Variants in VWC2L observed in about 807,000 individuals in gnomAD.
VWC2L encodes the protein von Willebrand factor C domain containing 2 like, also known as von Willebrand factor C domain-containing protein 2-like.
In VWC2L, 10 loss-of-function variants were observed where a neutral mutation model predicts 21.6. The ratio of observed to expected loss-of-function variants is 0.46; its 90% CI spans 0.29 to 0.78. The LOEUF (loss-of-function observed/expected upper bound fraction) is 0.78, where lower values mean the gene tolerates loss of function less well. Among genes scored for constraint, VWC2L ranks in the 30% least tolerant of loss-of-function variants. The probability of loss-of-function intolerance (pLI) is 0.10; values close to 1 mark genes in which losing one functional copy is unlikely to be tolerated. For synonymous variants in VWC2L, 96 were observed against 94.3 expected, an observed-to-expected ratio of 1.02 and a Z score of -0.10; for missense variants, 209 against 277.1, an observed-to-expected ratio of 0.75 and a Z score of 1.74.
chr2:214,468,237 G>A (rs946265161), intron 3 of VWC2L, among the ~76,000 whole-genome samples: 9 of 152,048 alleles, frequency 5.9e-5, no homozygotes, highest in Admixed American at 1.3e-4. Flanking sequence ...AGCTGGTCTC[G>A]AACTCCTGGC....
At chr2:214,547,170 GAAATTTTAGGAAAA>G (rs2105923467) in intron 3 of VWC2L, among the ~76,000 whole-genome samples, 1 of 92,172 alleles carries the variant, frequency 1.1e-5, no homozygotes, top group African/African-American at 4.6e-5. Context: ...GAAGATTGAG[GAAATTTTAGGAAAA>G]CAAATAGAAT....
intron 3 of VWC2L, among the ~76,000 whole-genome samples, chr2:214,463,966 AT>A (rs1703180257): frequency 6.6e-6 from 1 of 151,948 alleles, no homozygotes; most frequent in South Asian, 2.1e-4. Flanking sequence ...TGTCAGTTGA[AT>A]TTTTCAGCTT....
At chr2:214,502,344 G>A (rs988929683) in intron 3 of VWC2L, among the ~76,000 whole-genome samples, 1 of 152,184 alleles carries the variant, frequency 6.6e-6, no homozygotes, top group Admixed American at 6.5e-5. Flanking sequence ...GGCTGAGGCA[G>A]GCGGATCATG....
At chr2:214,550,282 A>AT (rs1689773140) in intron 3 of VWC2L, among the ~76,000 whole-genome samples, 2 of 152,224 alleles carry the variant, frequency 1.3e-5, no homozygotes, top group Non-Finnish European at 2.9e-5. Flanking sequence ...AGACTCGGCC[A>AT]TAGGAGTGGT....
intron 3 of VWC2L, among the ~76,000 whole-genome samples, chr2:214,503,861 A>G (rs1056074349): frequency 6.6e-6 from 1 of 152,252 alleles, no homozygotes; most frequent in African/African-American, 2.4e-5. Flanking sequence ...TCCTCACCAC[A>G]TCATACAGCT....
intron 2 of VWC2L, among the ~76,000 whole-genome samples, chr2:214,426,857 C>T (rs1415760352): frequency 1.3e-5 from 2 of 152,090 alleles, no homozygotes; most frequent in African/African-American, 4.8e-5. Flanking sequence ...GTTTAGTCAC[C>T]TCTTTTTCAC....
At chr2:214,570,009 C>CACA (rs1043050473) in intron 3 of VWC2L, among the ~76,000 whole-genome samples, 1 of 151,998 alleles carries the variant, frequency 6.6e-6, no homozygotes, top group Non-Finnish European at 1.5e-5. Context: ...CTCTTAATAC[C>CACA]ACAAATATGA....
intron 3 of VWC2L, among the ~76,000 whole-genome samples, chr2:214,521,447 C>T (rs1394530752): frequency 6.6e-6 from 1 of 152,106 alleles, no homozygotes; most frequent in African/African-American, 2.4e-5. Flanking sequence ...TTCTGCATTT[C>T]CTGCTTTTTC....
chr2:214,552,266 C>T (rs1689806304), intron 3 of VWC2L, among the ~76,000 whole-genome samples: 1 of 152,174 alleles, frequency 6.6e-6, no homozygotes, highest in South Asian at 2.1e-4. Context: ...AAAAATAGGC[C>T]TTAGAAGTTG....
intron 3 of VWC2L, among the ~76,000 whole-genome samples, chr2:214,555,932 G>T (rs1689865962): frequency 6.6e-6 from 1 of 152,044 alleles, no homozygotes; most frequent in Non-Finnish European, 1.5e-5. Flanking sequence ...TTATGTTTAT[G>T]ATGAAAGGCA....
chr2:214,444,125 C>A (rs1016416024), intron 3 of VWC2L, among the ~76,000 whole-genome samples: 1 of 152,012 alleles, frequency 6.6e-6, no homozygotes, highest in African/African-American at 2.4e-5. Context: ...GAAAGTTTAA[C>A]AGTCCTAACT....
intron 3 of VWC2L, among the ~76,000 whole-genome samples, chr2:214,547,202 G>A (rs775194494): frequency 2.2e-5 from 2 of 89,738 alleles, no homozygotes; most frequent in Non-Finnish European, 4.8e-5. Flanking sequence ...AATACTTGGG[G>A]TTAGTTTACT....
At chr2:214,461,039 T>C (rs192504334) in intron 3 of VWC2L, among the ~76,000 whole-genome samples, 23 of 152,324 alleles carry the variant, frequency 1.5e-4, no homozygotes, top group Admixed American at 4.6e-4. Flanking sequence ...TTAAGTGGTA[T>C]GTATAATTTC....
At position 214,578,420 on chromosome 2, in the gene VWC2L, G is replaced by C. The variant is rs1028469390; in HGVS notation, c.*2600G>C. The C allele has an allele frequency of 1.3e-5, 2 of 152,186 alleles. No homozygotes were observed. Among genetic ancestry groups the C allele is most frequent in the African/African-American group, 2.4e-5 (1 of 41,458 alleles). The allele number at this position is 152,186 out of a possible 1,614,324, so 9.4% of individuals were successfully genotyped here. A position where few individuals can be genotyped will look rare whatever the true frequency, so the allele number is the denominator to read the frequency against. ...TTCTGTGGCCTCTGATAACCAGCTA[G>C]AGAGAGGGATTTTTATGGTTGGTTT... is the stretch of plus-strand genomic sequence containing the variant. On this transcript the variant is annotated 3_prime_UTR_variant, in exon 4 of 4. Coordinates refer to ENST00000312504, the MANE Select transcript of VWC2L (RefSeq NM_001080500.4).
chr2:214,440,394 T>G (rs1182650796), intron 3 of VWC2L, among the ~76,000 whole-genome samples: 2 of 152,048 alleles, frequency 1.3e-5, no homozygotes, highest in African/African-American at 2.4e-5. Flanking sequence ...ATATGACATT[T>G]TCAGACTGTT....
At position 214,516,312 on chromosome 2, in the gene VWC2L, C is replaced by T. The variant is rs1028710158; in HGVS notation, c.521-59360C>T. 3.3e-5 allele frequency among the ~76,000 whole-genome samples: 5 copies of T among 152,242 alleles called. No homozygotes were observed. In the East Asian group the frequency reaches 9.7e-4, roughly 30 times the overall value. On this transcript the variant is annotated intron_variant, in intron 3 of 3. Coordinates refer to ENST00000312504, the MANE Select transcript of VWC2L (RefSeq NM_001080500.4). Reference sequence around the variant, plus strand: ...AACGCTGCTCTCACCCAACAGCCCTCATCCCCTGCCTCCTAAGCTTCAGTG... The same window carrying T: ...AACGCTGCTCTCACCCAACAGCCCTTATCCCCTGCCTCCTAAGCTTCAGTG...
At chr2:214,467,241 G>A (rs1209748187) in intron 3 of VWC2L, among the ~76,000 whole-genome samples, 1 of 152,144 alleles carries the variant, frequency 6.6e-6, no homozygotes, top group Non-Finnish European at 1.5e-5. Flanking sequence ...CCTATACCCT[G>A]TTGGTTCGTT....
At chr2:214,539,888 T>A (rs1689600695) in intron 3 of VWC2L, among the ~76,000 whole-genome samples, 1 of 152,150 alleles carries the variant, frequency 6.6e-6, no homozygotes, top group African/African-American at 2.4e-5. Flanking sequence ...ATTTTAATCT[T>A]GAATATATTT....
At chr2:214,531,617 C>A (rs912318864) in intron 3 of VWC2L, among the ~76,000 whole-genome samples, 2 of 152,048 alleles carry the variant, frequency 1.3e-5, no homozygotes, top group Admixed American at 1.3e-4. Context: ...TAAGTGGGTT[C>A]TTTGCAGAAG....
Sources: allele counts gnomAD v4.1 joint callset (sites outside exome capture counted in the v4.1 genomes callset), GRCh38; gene constraint gnomAD v4.1.1; transcripts MANE v1.5; gene names NCBI Gene and HGNC (gene_info 2026-07-23, HGNC 2026-07-21).